Variants in ADGRV1 observed in about 807,000 individuals in gnomAD.
ADGRV1 encodes adhesion G protein-coupled receptor V1.
Under a neutral mutation model 596.2 loss-of-function variants are expected in ADGRV1, and 359 were observed. The observed-to-expected ratio is 0.60, with a 90% CI of 0.55 to 0.66. The LOEUF (loss-of-function observed/expected upper bound fraction) is 0.66, where lower values mean the gene tolerates loss of function less well. Ranked by LOEUF, ADGRV1 falls within the 30% of genes least tolerant of loss-of-function variation. The probability of loss-of-function intolerance (pLI) is 0.00; values close to 1 mark genes in which losing one functional copy is unlikely to be tolerated. For missense variants in ADGRV1, 7,274 were observed against 7,575.6 expected (o/e 0.96, Z 1.48); for synonymous variants, 2,681 against 2,679.2 (o/e 1.00, Z -0.02).
chr5:90,583,913 G>A (rs1182547880), intron 1 of ADGRV1, among the ~76,000 whole-genome samples: 2 of 152,136 alleles, frequency 1.3e-5, no homozygotes, highest in Non-Finnish European at 2.9e-5. Context: ...TTTTGAAAAT[G>A]ATCTTTCCCA....
Position 90,848,736 on chromosome 5 carries a change from A to T in ADGRV1, c.17119A>T (p.Arg5707Trp). ...SLINPKRKDT[R>W]GFSHFAEVTE... is the part of the protein sequence containing the mutation. ...TATTAACCCAAAGCGCAAGGACACTAGGGGATTCAGTCACTTTGCTGAAGT... is the reference window on the plus strand; with the variant it reads ...TATTAACCCAAAGCGCAAGGACACTTGGGGATTCAGTCACTTTGCTGAAGT... The change falls in exon 79 of 90, where the codon AGG becomes TGG. Residue 5707 changes from arginine to tryptophan, a missense_variant. Physicochemically the swap from Arg to Trp is moderately radical, Grantham distance 101. Transcript: ENST00000405460. The T allele has an allele frequency of 6.3e-7, 1 of 1,591,498 alleles. No individual in the cohort carries two copies. The highest frequency in any genetic ancestry group is 1.2e-5 in the South Asian group (1 of 86,430).
rs1763576426 is a variant in ADGRV1 at position 90,617,947 on chromosome 5, A to G, written c.351A>G (p.Thr117=). ...ACGAAACTTTTATTTTTCACTTAAC[A>G]TTACAGGTAAGTCCGTGTTTCCTCC... The part of the protein sequence containing the change: ...EPDETFIFHL[T]LQKPSANVKL... The change falls in exon 3 of 90, where the codon ACA becomes ACG. Residue 117 remains threonine, a synonymous_variant. Transcript: ENST00000405460. The G allele has an allele frequency of 1.3e-6, 2 of 1,565,622 alleles. No individual in the cohort carries two copies. Among genetic ancestry groups the G allele is most frequent in the Non-Finnish European group, 8.7e-7 (1 of 1,153,462 alleles).
intron 85 of ADGRV1, among the ~76,000 whole-genome samples, chr5:91,023,465 A>G (rs1256975046): frequency 1.3e-5 from 2 of 152,172 alleles, no homozygotes; most frequent in African/African-American, 4.8e-5. Flanking sequence ...TGTATATTCA[A>G]ATGAAAAGGT....
At chr5:90,628,944 A>G (rs1765150156) in intron 8 of ADGRV1, 112 bp downstream of exon 8, 1 of 985,924 alleles carries the variant, frequency 1.0e-6, no homozygotes, top group African/African-American at 1.6e-5. Context: ...CAGGAAAAAC[A>G]CTGGCTTTGC....
chr5:91,112,323 A>G (rs1157119277), intron 87 of ADGRV1, among the ~76,000 whole-genome samples: 1 of 152,082 alleles, frequency 6.6e-6, no homozygotes, highest in Non-Finnish European at 1.5e-5. Context: ...CTATCTTTTA[A>G]TCTTTTAGGT....
At chr5:90,783,444 A>T in intron 66 of ADGRV1, 119 bp downstream of exon 66, 1 of 746,350 alleles carries the variant, frequency 1.3e-6, no homozygotes, top group Non-Finnish European at 2.2e-6. Flanking sequence ...GGAAAACAAC[A>T]GGTGAAATAC....
chr5:90,654,938 G>A (rs538011573), intron 20 of ADGRV1: 6 of 152,212 alleles, frequency 3.9e-5, no homozygotes, highest in African/African-American at 1.4e-4. Context: ...GGGGGAAGTG[G>A]GAGCTGGTGT....
At chr5:90,819,069 A>G (rs1763209142) in intron 75 of ADGRV1, among the ~76,000 whole-genome samples, 1 of 152,160 alleles carries the variant, frequency 6.6e-6, no homozygotes, top group African/African-American at 2.4e-5. Context: ...TTGGTAAACT[A>G]TTGATTATTG....
chr5:90,959,602 T>A (rs1388262390), intron 83 of ADGRV1, among the ~76,000 whole-genome samples: 2 of 152,114 alleles, frequency 1.3e-5, no homozygotes, highest in Non-Finnish European at 2.9e-5. Context: ...GGTGTAAACA[T>A]AGACAAATAG....
intron 83 of ADGRV1, among the ~76,000 whole-genome samples, chr5:90,882,998 G>C (rs1361555429): frequency 6.6e-6 from 1 of 151,924 alleles, no homozygotes; most frequent in African/African-American, 2.4e-5. Context: ...TTTTTGGGTA[G>C]TAATATTTTC....
chr5:90,619,251 C>A, intron 4 of ADGRV1, 70 bp downstream of exon 4: 1 of 718,500 alleles, frequency 1.4e-6, no homozygotes, highest in Non-Finnish European at 2.2e-6. Flanking sequence ...AATTAGTTTT[C>A]ATGATGTTAG....
chr5:90,597,851 A>G (rs1295121984), intron 1 of ADGRV1, among the ~76,000 whole-genome samples: 1 of 152,206 alleles, frequency 6.6e-6, no homozygotes, highest in Non-Finnish European at 1.5e-5. Context: ...AAGAGTATGC[A>G]TGTTCCATTT....
chr5:90,640,528 G>T lies in ADGRV1; in HGVS notation c.2241-2108G>T, dbSNP rs756293071. ...TTGTGAGCCTGTACAGTGCTTGGCA[G>T]GCACAGGCGCCTTGGAGGAGGCCTG... On this transcript the variant is annotated intron_variant, in intron 11 of 89. Coordinates refer to ENST00000405460, the MANE Select transcript of ADGRV1 (RefSeq NM_032119.4). Among the ~76,000 whole-genome samples the T allele has an allele frequency of 3.0e-4, 46 of 152,264 alleles. 1 individual carries two copies. The highest frequency in any genetic ancestry group is 2.0e-4 in the Admixed American group (3 of 15,298).
chr5:90,631,511 A>G (rs1234876768), intron 9 of ADGRV1, among the ~76,000 whole-genome samples: 1 of 152,170 alleles, frequency 6.6e-6, no homozygotes, highest in East Asian at 1.9e-4. Flanking sequence ...AGAGCCCTAC[A>G]CTAATGGCAG....
chr5:91,106,238 G>T (rs1791865295), intron 87 of ADGRV1, among the ~76,000 whole-genome samples: 1 of 152,028 alleles, frequency 6.6e-6, no homozygotes, highest in South Asian at 2.1e-4. Flanking sequence ...CCCAATTAAT[G>T]TTCTAGCTGC....
At chr5:90,894,420 T>C (rs1251053002) in intron 83 of ADGRV1, among the ~76,000 whole-genome samples, 3 of 152,190 alleles carry the variant, frequency 2.0e-5, no homozygotes, top group Non-Finnish European at 2.9e-5. Context: ...CAGAGCAGCA[T>C]ATAAAATGAG....
At chr5:90,719,604 T>G (rs1750643627) in intron 43 of ADGRV1, among the ~76,000 whole-genome samples, 1 of 152,112 alleles carries the variant, frequency 6.6e-6, no homozygotes, top group African/African-American at 2.4e-5. Flanking sequence ...GAGTAGCATT[T>G]TATAAAATAG....
At position 90,614,826 on chromosome 5, in the gene ADGRV1, T is replaced by A. The variant is rs1037053972; in HGVS notation, c.23-9T>A. 3.7e-5 allele frequency: 59 copies of A among 1,592,904 alleles called. No homozygotes were observed. Among genetic ancestry groups the A allele is most frequent in the Non-Finnish European group, 4.8e-5 (56 of 1,163,362 alleles). On this transcript the variant is annotated splice_polypyrimidine_tract_variant and intron_variant, in intron 1 of 89. Transcript: ENST00000405460. ...TTTTGTGAATAATATTTTTTTCTTT[T>A]TGTTTTAGGGATGCCCTCTGCATCT... is the stretch of plus-strand genomic sequence containing the variant.
chr5:90,603,600 A>G (rs1279245834), intron 1 of ADGRV1, among the ~76,000 whole-genome samples: 2 of 152,100 alleles, frequency 1.3e-5, no homozygotes, highest in African/African-American at 2.4e-5. Flanking sequence ...ACTCAAGGCC[A>G]TGTGAAGGGA....
Sources: gnomAD v4.1 joint callset for allele counts (sites outside exome capture counted in the v4.1 genomes callset) on GRCh38, gnomAD v4.1.1 for gene constraint, MANE v1.5 for transcripts, NCBI Gene and HGNC (gene_info 2026-07-23, HGNC 2026-07-21) for gene names.